Variants in NUMB observed in about 807,000 individuals in gnomAD.
NUMB encodes the protein protein numb homolog.
NUMB carries 29 observed loss-of-function variants against 59.7 expected under a neutral mutation model. The ratio of observed to expected loss-of-function variants is 0.49; its 90% CI spans 0.36 to 0.66. The LOEUF (loss-of-function observed/expected upper bound fraction) is 0.66. Among genes scored for constraint, NUMB ranks in the 30% least tolerant of loss-of-function variants. The probability of loss-of-function intolerance (pLI) is 0.00; values close to 1 mark genes in which losing one functional copy is unlikely to be tolerated. For synonymous variants in NUMB, 288 were observed against 288.2 expected (o/e 1.00, Z 0.01); for missense variants, 723 against 822.0 (o/e 0.88, Z 1.47).
chr14:73,377,185 T>C (rs925805210), intron 2 of NUMB, among the ~76,000 whole-genome samples: 3 of 152,208 alleles, frequency 2.0e-5, no homozygotes, highest in African/African-American at 7.2e-5. Context: ...CAATGACTTT[T>C]AAAATATACA....
chr14:73,338,201 C>G (rs12590879), intron 4 of NUMB, among the ~76,000 whole-genome samples: 39,794 of 151,846 alleles, frequency 0.26, 6,358 homozygotes, highest in East Asian at 0.69. Flanking sequence ...GCAAGAAGAT[C>G]ACTTGAGCTC....
At chr14:73,346,748 T>G (rs1293712187) in intron 4 of NUMB, among the ~76,000 whole-genome samples, 4 of 152,176 alleles carry the variant, frequency 2.6e-5, no homozygotes, top group Non-Finnish European at 5.9e-5. Flanking sequence ...CTGTCTTCAC[T>G]TCCTATTTCC....
intron 2 of NUMB, among the ~76,000 whole-genome samples, chr14:73,386,136 G>T (rs978984253): frequency 2.0e-5 from 3 of 152,036 alleles, no homozygotes; most frequent in Non-Finnish European, 4.4e-5. Context: ...CTCAGCTATT[G>T]TTGAGGCAGG....
In NUMB at chr14:73,377,405, G is replaced by C. The variant is rs192912609; in HGVS notation, c.-100-10424C>G. On this transcript the variant is annotated intron_variant, in intron 2 of 12. Transcript: ENST00000555238. ...GTAATCCAGCACTTTCGGAGGCCAA[G>C]GGGGGCAGGCAGATCACTTGAGGTC... 2.1e-3 allele frequency among the ~76,000 whole-genome samples: 313 copies of C among 152,208 alleles called. 3 individuals carry two copies. Among genetic ancestry groups the C allele is most frequent in the African/African-American group, 6.7e-3 (278 of 41,530 alleles).
rs1211136975 is a variant in NUMB at position 73,276,305 on chromosome 14, A to AGAT, written c.*270_*272dup. ...AGATACTTTGCCTCTCTGTTGCCAG[A>AGAT]GATTTGTAAGGGGGTAAGGGAAGAG... On this transcript the variant is annotated 3_prime_UTR_variant, in exon 13 of 13. Transcript: ENST00000555238. 1.1e-5 allele frequency: 4 copies of AGAT among 361,262 alleles called. No individual in the cohort carries two copies. Among genetic ancestry groups the AGAT allele is most frequent in the African/African-American group, 8.2e-5 (4 of 48,686 alleles). 22.4% of individuals were successfully genotyped at this position (361,262 alleles called of 1,614,324 possible).
intron 6 of NUMB, among the ~76,000 whole-genome samples, chr14:73,306,359 A>C (rs1890427161): frequency 6.6e-6 from 1 of 152,180 alleles, no homozygotes. Flanking sequence ...TTCATATTTC[A>C]AAGGTATATA....
chr14:73,281,846 G>A (rs1052898700), intron 11 of NUMB, among the ~76,000 whole-genome samples: 1 of 152,170 alleles, frequency 6.6e-6, no homozygotes, highest in African/African-American at 2.4e-5. Context: ...ATCCTTTGTT[G>A]TGGGTGCTGT....
At position 73,282,630 on chromosome 14, in the gene NUMB, G is replaced by GTA. The variant is rs1888707804; in HGVS notation, c.950-127_950-126dup. The GTA allele has an allele frequency of 9.1e-6, 9 of 991,726 alleles. No individual in the cohort carries two copies. The East Asian group carries it at 2.5e-4, about 27-fold the overall frequency. 61.4% of individuals were successfully genotyped at this position (991,726 alleles called of 1,614,324 possible). A position where few individuals can be genotyped will look rare whatever the true frequency, so the allele number is the denominator to read the frequency against. On this transcript the variant is annotated intron_variant, in intron 10 of 12. Coordinates refer to ENST00000555238, the MANE Select transcript of NUMB (RefSeq NM_001005743.2). ...TATGTAAGAAAAGGCTCAATTAACT[G>GTA]TATGGCAGGGCTACAAAACCAGTTT...
At chr14:73,329,722 C>A (rs879791876) in intron 4 of NUMB, among the ~76,000 whole-genome samples, 2 of 152,212 alleles carry the variant, frequency 1.3e-5, no homozygotes, top group Non-Finnish European at 2.9e-5. Flanking sequence ...GATCCTTATT[C>A]CTCTCTTGAA....
chr14:73,427,446 C>A (rs1472525546), intron 1 of NUMB, among the ~76,000 whole-genome samples: 1 of 151,986 alleles, frequency 6.6e-6, no homozygotes, highest in Non-Finnish European at 1.5e-5. Context: ...GCTTGGGCAA[C>A]AGAGTGAGAC....
intron 1 of NUMB, among the ~76,000 whole-genome samples, chr14:73,414,116 G>C (rs1418030764): frequency 6.6e-6 from 1 of 151,644 alleles, no homozygotes; most frequent in Non-Finnish European, 1.5e-5. Flanking sequence ...CACCACACTC[G>C]GCTAATATTT....
chr14:73,367,523 C>T (rs1318150636), intron 2 of NUMB, among the ~76,000 whole-genome samples: 1 of 151,714 alleles, frequency 6.6e-6, no homozygotes, highest in Non-Finnish European at 1.5e-5. Context: ...CCTGTAATCC[C>T]AGCACTTCGG....
intron 2 of NUMB, among the ~76,000 whole-genome samples, chr14:73,377,234 G>A (rs1894994368): frequency 6.6e-6 from 1 of 151,972 alleles, no homozygotes; most frequent in Non-Finnish European, 1.5e-5. Flanking sequence ...TTAATAAGCT[G>A]GACTTCATTA....
intron 1 of NUMB, among the ~76,000 whole-genome samples, chr14:73,436,438 T>C (rs1898056772): frequency 6.6e-6 from 1 of 152,102 alleles, no homozygotes; most frequent in Admixed American, 6.6e-5. Flanking sequence ...TGCCTCAGCC[T>C]CCTGAGTTTT....
At chr14:73,367,279 C>CTA (rs748523624) in intron 2 of NUMB, among the ~76,000 whole-genome samples, 9,584 of 121,804 alleles carry the variant, frequency 0.079, 575 homozygotes, top group South Asian at 0.2. Context: ...AAATAAAATA[C>CTA]TATATATATA....
chr14:73,437,178 T>C (rs1287094665), intron 1 of NUMB, among the ~76,000 whole-genome samples: 1 of 151,148 alleles, frequency 6.6e-6, no homozygotes, highest in Non-Finnish European at 1.5e-5. Context: ...CCCGAGTAGC[T>C]GGGCCTACAG....
At chr14:73,397,722 T>C (rs920324143) in intron 2 of NUMB, among the ~76,000 whole-genome samples, 6 of 152,240 alleles carry the variant, frequency 3.9e-5, no homozygotes, top group South Asian at 4.1e-4. Context: ...AATGAAGTTA[T>C]TTGCATCGGC....
chr14:73,374,819 C>T (rs1429127857), intron 2 of NUMB, among the ~76,000 whole-genome samples: 3 of 146,526 alleles, frequency 2.0e-5, no homozygotes, highest in Middle Eastern at 3.5e-3. Context: ...CTTCTGGATT[C>T]AAGCGATTCT....
At chr14:73,389,792 T>A (rs915885240) in intron 2 of NUMB, among the ~76,000 whole-genome samples, 1 of 152,248 alleles carries the variant, frequency 6.6e-6, no homozygotes, top group Non-Finnish European at 1.5e-5. Context: ...GATAATAATG[T>A]ATACCTCCTG....
Sources: gnomAD v4.1 joint callset for allele counts (sites outside exome capture counted in the v4.1 genomes callset) on GRCh38, gnomAD v4.1.1 for gene constraint, MANE v1.5 for transcripts, NCBI Gene and HGNC (gene_info 2026-07-23, HGNC 2026-07-21) for gene names.